NKAIN3: variants seen among roughly 807,000 people sequenced by gnomAD.
NKAIN3 encodes sodium/potassium-transporting ATPase subunit beta-1-interacting protein 3.
NKAIN3 carries 25 observed loss-of-function variants against 30.2 expected under a neutral mutation model. The observed-to-expected ratio is 0.83, with a 90% CI of 0.60 to 1.16. The LOEUF is 1.16. NKAIN3 is among the 50% of genes most tolerant of loss of function. The probability of loss-of-function intolerance (pLI) is 0.00; values close to 1 mark genes in which losing one functional copy is unlikely to be tolerated. For missense variants in NKAIN3, 225 were observed against 254.1 expected (o/e 0.89, Z 0.78); for synonymous variants, 91 against 89.6 (o/e 1.02, Z -0.09).
intron 3 of NKAIN3, among the ~76,000 whole-genome samples, chr8:62,684,525 C>T (rs1180741255): frequency 2.0e-5 from 3 of 152,152 alleles, no homozygotes; most frequent in Admixed American, 1.3e-4. Context: ...TGAGACAGTA[C>T]TTCTCTGCAA....
At chr8:62,836,195 A>G (rs1168595264) in intron 4 of NKAIN3, among the ~76,000 whole-genome samples, 1 of 152,092 alleles carries the variant, frequency 6.6e-6, no homozygotes, top group Non-Finnish European at 1.5e-5. Context: ...GAGGTGATCA[A>G]GAGCTGAAAA....
chr8:62,493,857 T>C (rs897279574), intron 1 of NKAIN3, among the ~76,000 whole-genome samples: 3 of 152,154 alleles, frequency 2.0e-5, no homozygotes, highest in Non-Finnish European at 4.4e-5. Flanking sequence ...ATGCTAGTGA[T>C]TTTTGAACAT....
At chr8:62,666,539 A>T (rs1008783415) in intron 3 of NKAIN3, among the ~76,000 whole-genome samples, 2 of 152,172 alleles carry the variant, frequency 1.3e-5, no homozygotes, top group East Asian at 1.9e-4. Flanking sequence ...TTGTAGTTTT[A>T]TCAGCTTTAA....
chr8:62,337,212 A>G (rs536817159), intron 1 of NKAIN3, among the ~76,000 whole-genome samples: 8 of 152,150 alleles, frequency 5.3e-5, no homozygotes, highest in Non-Finnish European at 1.0e-4. Context: ...CATTTCTGCC[A>G]TTTTCACTGG....
intron 4 of NKAIN3, among the ~76,000 whole-genome samples, chr8:62,801,687 C>T (rs1032770403): frequency 1.3e-5 from 2 of 152,160 alleles, no homozygotes; most frequent in African/African-American, 4.8e-5. Context: ...AGCAGAAAAA[C>T]TGGGAACTCT....
At chr8:62,901,116 A>G (rs1339216462) in intron 4 of NKAIN3, among the ~76,000 whole-genome samples, 1 of 152,188 alleles carries the variant, frequency 6.6e-6, no homozygotes, top group Non-Finnish European at 1.5e-5. Flanking sequence ...AGCACAATAC[A>G]GGAAAAGTGG....
At chr8:62,606,283 G>T (rs1177649062) in intron 3 of NKAIN3, among the ~76,000 whole-genome samples, 4 of 152,004 alleles carry the variant, frequency 2.6e-5, no homozygotes. Context: ...ACAATCAGTG[G>T]CCTGAAAATA....
intron 3 of NKAIN3, among the ~76,000 whole-genome samples, chr8:62,729,040 C>CCAA (rs1563534943): frequency 0.051 from 3,118 of 61,240 alleles, 240 homozygotes; most frequent in Non-Finnish European, 0.069. Context: ...AAAAAAAAAA[C>CCAA]AAAAAAAAAA....
intron 1 of NKAIN3, among the ~76,000 whole-genome samples, chr8:62,357,699 A>T (rs1585718625): frequency 6.6e-6 from 1 of 152,068 alleles, no homozygotes; most frequent in Non-Finnish European, 1.5e-5. Flanking sequence ...CATGACCTCG[A>T]CCTGCCTGTT....
intron 4 of NKAIN3, among the ~76,000 whole-genome samples, chr8:62,830,192 C>T (rs1586244870): frequency 6.6e-6 from 1 of 152,196 alleles, no homozygotes; most frequent in East Asian, 1.9e-4. Context: ...CCTATATTTT[C>T]TGGTTTTGTT....
chr8:62,372,972 C>T lies in NKAIN3; in HGVS notation c.54+123845C>T, dbSNP rs1226789835. On this transcript the variant is annotated intron_variant, in intron 1 of 6. Transcript: ENST00000623646. ...CTACCAGCAGGACAAGCAAATTCTG[C>T]AAAGCAACTTTGCAAAACACTTTTA... is the stretch of plus-strand genomic sequence containing the variant. 2.0e-5 allele frequency among the ~76,000 whole-genome samples: 3 copies of T among 152,118 alleles called. No individual in the cohort carries two copies. In the East Asian group the frequency reaches 5.8e-4, roughly 29 times the overall value.
At chr8:62,326,839 T>C (rs921461476) in intron 1 of NKAIN3, among the ~76,000 whole-genome samples, 1 of 152,000 alleles carries the variant, frequency 6.6e-6, no homozygotes, top group African/African-American at 2.4e-5. Context: ...CTGGGTCATA[T>C]GGTAATTCTA....
intron 4 of NKAIN3, among the ~76,000 whole-genome samples, chr8:62,798,210 C>A (rs564297236): frequency 6.6e-6 from 1 of 152,100 alleles, no homozygotes; most frequent in Non-Finnish European, 1.5e-5. Flanking sequence ...GGGGTAAACT[C>A]TATCAGATCT....
chr8:62,960,706 G>T, intron 6 of NKAIN3, among the ~76,000 whole-genome samples: 1 of 146,868 alleles, frequency 6.8e-6, no homozygotes, highest in East Asian at 2.0e-4. Context: ...ACAATATACA[G>T]GAAAGATTAC....
intron 3 of NKAIN3, among the ~76,000 whole-genome samples, chr8:62,591,598 A>G (rs1362041080): frequency 1.3e-5 from 2 of 151,976 alleles, no homozygotes; most frequent in Non-Finnish European, 1.5e-5. Flanking sequence ...AAAAGTTTTT[A>G]TCTCATTTCT....
At chr8:62,380,861 A>C (rs60235230) in intron 1 of NKAIN3, among the ~76,000 whole-genome samples, 20,852 of 152,176 alleles carry the variant, frequency 0.14, 1,724 homozygotes, top group East Asian at 0.4. Context: ...TCAAACATTC[A>C]TGTGTGAAAT....
chr8:62,256,603 C>T (rs1812269043), intron 1 of NKAIN3, among the ~76,000 whole-genome samples: 1 of 152,086 alleles, frequency 6.6e-6, no homozygotes, highest in Non-Finnish European at 1.5e-5. Context: ...ACTGCCTGTC[C>T]TCTGCACATG....
chr8:62,624,710 T>C (rs1333861792), intron 3 of NKAIN3, among the ~76,000 whole-genome samples: 2 of 151,926 alleles, frequency 1.3e-5, no homozygotes, highest in African/African-American at 4.8e-5. Context: ...CTTTCTCTTT[T>C]TCTGCTCCTC....
intron 4 of NKAIN3, among the ~76,000 whole-genome samples, chr8:62,764,263 G>T (rs549293523): frequency 6.6e-6 from 1 of 152,222 alleles, no homozygotes; most frequent in South Asian, 2.1e-4. Flanking sequence ...GTACTATTTT[G>T]CAGAATCTTC....
Sources: allele counts gnomAD v4.1 joint callset (sites outside exome capture counted in the v4.1 genomes callset), GRCh38; gene constraint gnomAD v4.1.1; transcripts MANE v1.5; gene names NCBI Gene and HGNC (gene_info 2026-07-23, HGNC 2026-07-21).